TANC2: variants seen among roughly 807,000 people sequenced by gnomAD.
TANC2 encodes the protein protein TANC2.
TANC2 carries 26 observed loss-of-function variants against 210.5 expected under a neutral mutation model. The ratio of observed to expected loss-of-function variants is 0.12; its 90% CI spans 0.09 to 0.17. The LOEUF is 0.17. Among genes scored for constraint, TANC2 ranks in the 10% least tolerant of loss-of-function variants. The pLI is 1.00. For synonymous variants in TANC2, 931 were observed against 967.1 expected, an observed-to-expected ratio of 0.96 and a Z score of 0.69; for missense variants, 2,129 against 2,608.9, an observed-to-expected ratio of 0.82 and a Z score of 4.01.
intron 5 of TANC2, among the ~76,000 whole-genome samples, chr17:63,174,185 T>G (rs1484601603): frequency 6.6e-6 from 1 of 152,232 alleles, no homozygotes; most frequent in Non-Finnish European, 1.5e-5. Context: ...TTTGACTTAG[T>G]CATCTCTTGG....
intron 1 of TANC2, among the ~76,000 whole-genome samples, chr17:62,987,621 A>G (rs1388302570): frequency 6.6e-6 from 1 of 152,156 alleles, no homozygotes; most frequent in Non-Finnish European, 1.5e-5. Context: ...GACTCCAGGC[A>G]GATCTGATCC....
intron 2 of TANC2, among the ~76,000 whole-genome samples, chr17:63,031,562 G>A (rs1401484120): frequency 1.3e-5 from 2 of 151,956 alleles, no homozygotes; most frequent in Non-Finnish European, 2.9e-5. Flanking sequence ...TTTAAAAAAT[G>A]GTCAGACCAT....
chr17:63,085,612 C>T (rs2036931203), intron 3 of TANC2, among the ~76,000 whole-genome samples: 1 of 152,054 alleles, frequency 6.6e-6, no homozygotes, highest in Non-Finnish European at 1.5e-5. Flanking sequence ...CCTAATTCCT[C>T]CCTGGCATCC....
intron 2 of TANC2, among the ~76,000 whole-genome samples, chr17:63,066,290 C>G (rs2144587985): frequency 6.6e-6 from 1 of 152,186 alleles, no homozygotes; most frequent in South Asian, 2.1e-4. Flanking sequence ...CCTATAGCAT[C>G]AGGTCCCTTG....
At chr17:63,273,682 A>G (rs1241488602) in intron 9 of TANC2, among the ~76,000 whole-genome samples, 1 of 152,186 alleles carries the variant, frequency 6.6e-6, no homozygotes, top group Non-Finnish European at 1.5e-5. Flanking sequence ...TACACCTCCA[A>G]AGAGCTCCCA....
intron 5 of TANC2, among the ~76,000 whole-genome samples, chr17:63,159,215 A>G (rs1567772826): frequency 6.6e-6 from 1 of 152,208 alleles, no homozygotes; most frequent in Non-Finnish European, 1.5e-5. Flanking sequence ...ACAAAAGGTC[A>G]TGATTACAGA....
intron 1 of TANC2, among the ~76,000 whole-genome samples, chr17:62,974,014 A>G (rs906870507): frequency 6.6e-6 from 1 of 152,222 alleles, no homozygotes; most frequent in Non-Finnish European, 1.5e-5. Context: ...CAAAGCCTAA[A>G]TATTTACTAG....
At chr17:63,153,155 C>A (rs1164141574) in intron 5 of TANC2, 1 of 152,010 alleles carries the variant, frequency 6.6e-6, no homozygotes, top group Non-Finnish European at 1.5e-5. Context: ...TACATAGTAT[C>A]AAAAATTAAC....
At position 63,191,466 on chromosome 17, in the gene TANC2, AT is replaced by A. The variant is rs529760218; in HGVS notation, c.434-2524del. Among the ~76,000 whole-genome samples, 180 of 149,608 alleles carry A rather than the reference AT, an allele frequency of 1.2e-3. 1 individual carries two copies. Among genetic ancestry groups the A allele is most frequent in the African/African-American group, 4.4e-3 (173 of 39,470 alleles). On this transcript the variant is annotated intron_variant, in intron 5 of 27. Coordinates refer to ENST00000689528, the Ensembl canonical transcript of TANC2. ...AGATATTCCCACCTTTTAAAAAAATATATTATTTATTTTTCAGACAGGATCT... is the reference window on the plus strand; with the variant it reads ...AGATATTCCCACCTTTTAAAAAAATAATTATTTATTTTTCAGACAGGATCT...
chr17:63,396,177 TTC>T (rs1231948562), intron 18 of TANC2: 1 of 428,618 alleles, frequency 2.3e-6, no homozygotes, highest in African/African-American at 2.0e-5. Flanking sequence ...TCTCCATGTT[TTC>T]CTCCCTGTTT....
At chr17:63,333,121 T>G (rs139448312) in intron 11 of TANC2, among the ~76,000 whole-genome samples, 1 of 152,358 alleles carries the variant, frequency 6.6e-6, no homozygotes, top group Non-Finnish European at 1.5e-5. Flanking sequence ...TAATTTTGAC[T>G]TTTAAGTCTT....
At chr17:63,347,713 G>GT (rs1269725986) in intron 12 of TANC2, among the ~76,000 whole-genome samples, 1 of 151,942 alleles carries the variant, frequency 6.6e-6, no homozygotes, top group African/African-American at 2.4e-5. Flanking sequence ...AAGTTTTGAA[G>GT]TTTCTCAGTA....
At chr17:63,115,670 A>G (rs2038222669) in intron 4 of TANC2, among the ~76,000 whole-genome samples, 2 of 152,200 alleles carry the variant, frequency 1.3e-5, no homozygotes, top group South Asian at 4.1e-4. Context: ...TTCTATTGAA[A>G]TTCCACTTTT....
chr17:63,376,624 G>A (rs916275720), intron 14 of TANC2, among the ~76,000 whole-genome samples: 1 of 152,070 alleles, frequency 6.6e-6, no homozygotes, highest in Admixed American at 6.5e-5. Flanking sequence ...TGCCTTTACA[G>A]AATTTCTAAA....
intron 21 of TANC2, among the ~76,000 whole-genome samples, chr17:63,408,378 G>A (rs907606436): frequency 2.6e-5 from 4 of 152,172 alleles, no homozygotes; most frequent in Non-Finnish European, 4.4e-5. Context: ...GATTTTGGAA[G>A]TATTTAACAT....
At chr17:63,346,559 C>A (rs1421678054) in intron 12 of TANC2, among the ~76,000 whole-genome samples, 1 of 151,744 alleles carries the variant, frequency 6.6e-6, no homozygotes, top group African/African-American at 2.4e-5. Flanking sequence ...CACTTCACAC[C>A]CATTAGAATA....
exon 16 of TANC2, chr17:63,388,682 C>G: frequency 1.9e-6 from 3 of 1,607,046 alleles, no homozygotes; most frequent in Non-Finnish European, 2.6e-6. Flanking sequence ...TCCAAGGTCT[C>G]TGGATCTCTT....
chr17:63,103,491 G>A (rs2037708397), intron 4 of TANC2, among the ~76,000 whole-genome samples: 1 of 152,110 alleles, frequency 6.6e-6, no homozygotes, highest in Non-Finnish European at 1.5e-5. Context: ...AGACTTTGTG[G>A]TCCGACTGTT....
chr17:63,129,248 C>T (rs982023392), intron 4 of TANC2, among the ~76,000 whole-genome samples: 1 of 152,124 alleles, frequency 6.6e-6, no homozygotes, highest in Non-Finnish European at 1.5e-5. Context: ...AAGCAGACCT[C>T]CTGCCTCGGC....
Sources: allele counts gnomAD v4.1 joint callset (sites outside exome capture counted in the v4.1 genomes callset), GRCh38; gene constraint gnomAD v4.1.1; transcripts MANE v1.5; gene names NCBI Gene and HGNC (gene_info 2026-07-23, HGNC 2026-07-21).